Variants in MAP3K13 observed in about 807,000 individuals in gnomAD.
The protein encoded by MAP3K13 is leucine zipper-bearing kinase.
MAP3K13 carries 52 observed loss-of-function variants against 104.0 expected under a neutral mutation model. That is an observed-to-expected ratio of 0.50 (90% CI 0.40 to 0.63). MAP3K13 has a LOEUF of 0.63. Ranked by LOEUF, MAP3K13 falls within the 20% of genes least tolerant of loss-of-function variation. MAP3K13 has a pLI of 0.00. For synonymous variants in MAP3K13, 394 were observed against 442.2 expected (o/e 0.89, Z 1.37); for missense variants, 914 against 1,218.5 (o/e 0.75, Z 3.72).
rs1560101588 is a variant in MAP3K13, at chr3:185,428,753, GAGAGCGTGCAC to G, written c.175_185del (p.Ser59ProfsTer12). ...GGGGATGGTACGAACAGAGCTAATCGAGAGCGTGCACAGCCCCGTCACCACAACAGTGTTGA... is the reference window on the plus strand; with the variant it reads ...GGGGATGGTACGAACAGAGCTAATCGAGCCCCGTCACCACAACAGTGTTGA... On this transcript the variant is annotated frameshift_variant, in exon 2 of 14. Transcript: ENST00000265026. LOFTEE classifies it high-confidence loss of function. The G allele has an allele frequency of 6.2e-7, 1 of 1,614,198 alleles. No individual in the cohort carries two copies. Among genetic ancestry groups the G allele is most frequent in the Admixed American group, 1.7e-5 (1 of 60,020 alleles).
chr3:185,465,704 C>T, intron 8 of MAP3K13, 43 bp from the exon 9 acceptor site: 2 of 1,403,182 alleles, frequency 1.4e-6, no homozygotes, highest in Non-Finnish European at 2.0e-6. Flanking sequence ...CTTTTTTCTC[C>T]CGAAGTTGGT....
intron 1 of MAP3K13, among the ~76,000 whole-genome samples, chr3:185,395,305 TC>T (rs1324869190): frequency 1.9e-4 from 28 of 151,056 alleles, no homozygotes; most frequent in Non-Finnish European, 3.4e-4. Context: ...TTTTGTTTGG[TC>T]CCCTTTATTA....
At chr3:185,394,393 C>T (rs1332835554) in intron 1 of MAP3K13, among the ~76,000 whole-genome samples, 1 of 152,102 alleles carries the variant, frequency 6.6e-6, no homozygotes, top group Non-Finnish European at 1.5e-5. Context: ...TTAACTAAGT[C>T]GATTTAATGA....
rs548068662 is a variant in MAP3K13, at chr3:185,477,249, T to G, written c.2431-77T>G. On this transcript the variant is annotated intron_variant, in intron 11 of 13. Coordinates refer to ENST00000265026, the MANE Select transcript of MAP3K13 (RefSeq NM_004721.5). ...GACTTTTGATGATAATTACATTTTT[T>G]ACAGTTAGTGGGGATGGGGTGAGAG... The G allele has an allele frequency of 1.3e-5, 12 of 906,022 alleles. 1 individual carries two copies. The East Asian group carries it at 2.7e-4, about 21-fold the overall frequency. 56.1% of individuals were successfully genotyped at this position (906,022 alleles called of 1,614,324 possible).
intron 1 of MAP3K13, among the ~76,000 whole-genome samples, chr3:185,428,262 G>T (rs2108801677): frequency 6.6e-6 from 1 of 152,010 alleles, no homozygotes; most frequent in African/African-American, 2.4e-5. Context: ...CTAAGTTAAT[G>T]TTGTATATAT....
chr3:185,439,318 A>G (rs148429856), intron 3 of MAP3K13, among the ~76,000 whole-genome samples: 7 of 152,266 alleles, frequency 4.6e-5, no homozygotes, highest in South Asian at 2.1e-4. Context: ...TTGACCTAGT[A>G]GGGCCAGGAG....
Position 185,437,642 on chromosome 3 carries a change from C to CTTTTT in MAP3K13, c.659+19_659+23dup, listed in dbSNP as rs5855064. On this transcript the variant is annotated intron_variant, in intron 3 of 13. Transcript: ENST00000265026. ...ATCATCGCATTCAAGTAGGTCAAGG[C>CTTTTT]TTTTTTTTTTTAAGAAGTAGACCTA... is the stretch of plus-strand genomic sequence containing the variant. 2 of 1,271,916 alleles carry CTTTTT rather than the reference C, an allele frequency of 1.6e-6. No individual in the cohort carries two copies. The highest frequency in any genetic ancestry group is 2.5e-5 in the Admixed American group (1 of 40,776). The allele number at this position is 1,271,916 out of a possible 1,614,324, so 78.8% of individuals were successfully genotyped here. A position where few individuals can be genotyped will look rare whatever the true frequency, so the allele number is the denominator to read the frequency against.
At chr3:185,481,500 ATTATT>A (rs1718452710) in intron 13 of MAP3K13, among the ~76,000 whole-genome samples, 1 of 151,118 alleles carries the variant, frequency 6.6e-6, no homozygotes, top group African/African-American at 2.4e-5. Context: ...AAAAAAAAAA[ATTATT>A]TTAAAGGTCT....
At chr3:185,457,078 TCA>T (rs1294301403) in intron 7 of MAP3K13, among the ~76,000 whole-genome samples, 1 of 152,142 alleles carries the variant, frequency 6.6e-6, no homozygotes, top group Admixed American at 6.6e-5. Flanking sequence ...CTGAAGCCAG[TCA>T]CACATTTTGA....
At chr3:185,362,947 ACACACACACG>A (rs71162298), upstream of MAP3K13, 15,726 of 142,220 alleles carry the variant, frequency 0.11, 1,773 homozygotes, top group Middle Eastern at 0.19. Flanking sequence ...ACACACACAC[ACACACACACG>A]CACACACACA....
chr3:185,417,198 T>TA (rs1041084868), intron 1 of MAP3K13, among the ~76,000 whole-genome samples: 4 of 152,260 alleles, frequency 2.6e-5, no homozygotes, highest in Admixed American at 6.5e-5. Context: ...TCTTCCTTTT[T>TA]AAAAAAATAG....
chr3:185,483,242 C>T lies in MAP3K13; in HGVS notation c.*786C>T, dbSNP rs1718562756. ...AAGCAGCAGTTGGTAGTGAGGTTTACAGATAGTGTCAAATCTTGTTTTTGG... is the reference window on the plus strand; with the variant it reads ...AAGCAGCAGTTGGTAGTGAGGTTTATAGATAGTGTCAAATCTTGTTTTTGG... On this transcript the variant is annotated 3_prime_UTR_variant, in exon 14 of 14. Transcript: ENST00000265026. 1 of 232,714 alleles carries T rather than the reference C, an allele frequency of 4.3e-6. No individual in the cohort carries two copies. The highest frequency in any genetic ancestry group is 8.5e-6 in the Non-Finnish European group (1 of 117,768). The allele number at this position is 232,714 out of a possible 1,614,324, so 14.4% of individuals were successfully genotyped here.
chr3:185,335,792 C>T (rs1415376002), intron 2 of MAP3K13, among the ~76,000 whole-genome samples: 1 of 152,038 alleles, frequency 6.6e-6, no homozygotes, highest in African/African-American at 2.4e-5. Flanking sequence ...AGTACAGATG[C>T]AATTTTTTCC....
Position 185,475,189 on chromosome 3 carries a change from C to T in MAP3K13, c.2430+1428C>T, listed in dbSNP as rs145204607. ...AAAATGGGCCTAATATTGGACTCTGCCTCATCAGTTGCTATAAAGACTACA... is the reference window on the plus strand; with the variant it reads ...AAAATGGGCCTAATATTGGACTCTGTCTCATCAGTTGCTATAAAGACTACA... On this transcript the variant is annotated intron_variant, in intron 11 of 13. Transcript: ENST00000265026. Among the ~76,000 whole-genome samples the T allele has an allele frequency of 7.2e-5, 11 of 152,032 alleles. No individual in the cohort carries two copies. In the East Asian group the frequency reaches 1.5e-3, roughly 21 times the overall value.
intron 2 of MAP3K13, among the ~76,000 whole-genome samples, chr3:185,343,354 T>C (rs1033115980): frequency 2.6e-5 from 4 of 152,198 alleles, no homozygotes; most frequent in Non-Finnish European, 5.9e-5. Flanking sequence ...ATTAATGCCT[T>C]ATCAAAGATG....
upstream of MAP3K13, among the ~76,000 whole-genome samples, chr3:185,362,428 A>T (rs960122980): frequency 6.6e-6 from 1 of 152,204 alleles, no homozygotes; most frequent in African/African-American, 2.4e-5. Context: ...CTGTGTCTTA[A>T]TCGACTGCCA....
At position 185,418,232 on chromosome 3, in the gene MAP3K13, C is replaced by A. The variant is rs1713907613; in HGVS notation, c.-85-10265C>A. 1 of 1,609,154 alleles carries A rather than the reference C, an allele frequency of 6.2e-7. No individual in the cohort carries two copies. The highest frequency in any genetic ancestry group is 1.3e-5 in the African/African-American group (1 of 74,938). On this transcript the variant is annotated intron_variant, in intron 1 of 13. Coordinates refer to ENST00000265026, the MANE Select transcript of MAP3K13 (RefSeq NM_004721.5). The surrounding 1 kb of genome is among the most constrained non-coding windows in gnomAD (Gnocchi z 4.5). ...GCTCTCATTCGCTGAGAGGCATAGA[C>A]CTTTTCGATATCATTCCAGGCTTTA...
intron 1 of MAP3K13, among the ~76,000 whole-genome samples, chr3:185,385,773 TG>T (rs34961227): frequency 0.18 from 27,177 of 152,056 alleles, 2,610 homozygotes; most frequent in Non-Finnish European, 0.21. Context: ...GAGGCCAAGG[TG>T]GGCTGATCAC....
At chr3:185,426,931 T>G (rs1714455181) in intron 1 of MAP3K13, among the ~76,000 whole-genome samples, 1 of 152,196 alleles carries the variant, frequency 6.6e-6, no homozygotes, top group African/African-American at 2.4e-5. Context: ...TGGTCTTTCT[T>G]TTACCCCCTC....
Sources: gnomAD v4.1 joint callset for allele counts (sites outside exome capture counted in the v4.1 genomes callset) on GRCh38, gnomAD v4.1.1 for gene constraint, Gnocchi (gnomAD v3.1) non-coding constraint, MANE v1.5 for transcripts, NCBI Gene and HGNC (gene_info 2026-07-23, HGNC 2026-07-21) for gene names.